The following SLC24A2 variants were observed in gnomAD, a reference collection of about 807,000 sequenced individuals.
SLC24A2 encodes the protein solute carrier family 24 member 2.
Under a neutral mutation model 62.0 loss-of-function variants are expected in SLC24A2, and 36 were observed. That is an observed-to-expected ratio of 0.58 (90% CI 0.44 to 0.77). The LOEUF is 0.77. Among genes scored for constraint, SLC24A2 ranks in the 30% least tolerant of loss-of-function variants. The pLI, the probability that SLC24A2 is intolerant of heterozygous loss-of-function variation, is 0.00. For synonymous variants in SLC24A2, 358 were observed against 294.0 expected (o/e 1.22, Z -2.23); for missense variants, 846 against 817.9 (o/e 1.03, Z -0.42).
chr9:19,945,358 G>T, the SLC24A2 span, among the ~76,000 whole-genome samples: 1 of 152,020 alleles, frequency 6.6e-6, no homozygotes, highest in Non-Finnish European at 1.5e-5. Flanking sequence ...GATTGAGCAG[G>T]GAAGGGCACA....
chr9:19,805,942 A>G, the SLC24A2 span, among the ~76,000 whole-genome samples: 3 of 152,022 alleles, frequency 2.0e-5, no homozygotes, highest in African/African-American at 7.2e-5. Context: ...GTCACTATAG[A>G]TTCATGCTTG....
At chr9:19,920,502 T>C in the SLC24A2 span, among the ~76,000 whole-genome samples, 2 of 151,852 alleles carry the variant, frequency 1.3e-5, no homozygotes, top group Non-Finnish European at 2.9e-5. Context: ...GCCATGGAAG[T>C]GAGGAAGTGA....
At chr9:20,051,538 G>A in the SLC24A2 span, among the ~76,000 whole-genome samples, 1 of 151,420 alleles carries the variant, frequency 6.6e-6, no homozygotes, top group Non-Finnish European at 1.5e-5. Context: ...TGCAATATGA[G>A]TATATTCTAG....
At chr9:20,167,295 T>A in the SLC24A2 span, among the ~76,000 whole-genome samples, 1 of 142,490 alleles carries the variant, frequency 7.0e-6, no homozygotes, top group African/African-American at 2.9e-5. Flanking sequence ...TATGTCTGTG[T>A]AGCAATTCTG....
chr9:19,817,631 T>C, the SLC24A2 span, among the ~76,000 whole-genome samples: 3 of 152,106 alleles, frequency 2.0e-5, no homozygotes, highest in South Asian at 6.2e-4. Context: ...TTCTACATTA[T>C]AGCTAAGATT....
intron 2 of SLC24A2, among the ~76,000 whole-genome samples, chr9:19,740,517 T>A (rs560615609): frequency 6.6e-6 from 1 of 152,232 alleles, no homozygotes; most frequent in South Asian, 2.1e-4. Flanking sequence ...AAGTTCACAA[T>A]AGGTGACAGT....
At chr9:19,809,647 C>G in the SLC24A2 span, among the ~76,000 whole-genome samples, 541 of 152,106 alleles carry the variant, frequency 3.6e-3, 2 homozygotes, top group Non-Finnish European at 6.1e-3. Flanking sequence ...CAGTAAGGAG[C>G]GGACAGGATG....
At chr9:20,246,989 C>T in the SLC24A2 span, among the ~76,000 whole-genome samples, 1 of 152,222 alleles carries the variant, frequency 6.6e-6, no homozygotes, top group African/African-American at 2.4e-5. Context: ...GACCATTATA[C>T]AGTGTATTGC....
the SLC24A2 span, among the ~76,000 whole-genome samples, chr9:20,151,223 A>G: frequency 1.3e-5 from 2 of 152,018 alleles, no homozygotes; most frequent in African/African-American, 4.8e-5. Context: ...ATGTTGGCAT[A>G]TATCAATTCA....
chr9:20,288,767 T>C, the SLC24A2 span, among the ~76,000 whole-genome samples: 3 of 143,538 alleles, frequency 2.1e-5, no homozygotes, highest in Non-Finnish European at 4.5e-5. Context: ...AAAAAAAGAA[T>C]GCAATGGAAG....
In SLC24A2 at chr9:19,714,585, T is replaced by C. The variant is rs534295006; in HGVS notation, c.930+71352A>G. On this transcript the variant is annotated intron_variant, in intron 2 of 10. Transcript: ENST00000341998. ...ATCACTTACCTTTTCCCTTCACTAT[T>C]TGTATGGAGGAGAAGCATTCCTTAT... Among the ~76,000 whole-genome samples the C allele has an allele frequency of 3.9e-4, 60 of 152,328 alleles. No individual in the cohort carries two copies. In the South Asian group the frequency reaches 0.01, roughly 26 times the overall value.
chr9:20,169,959 T>C, the SLC24A2 span, among the ~76,000 whole-genome samples: 1 of 151,846 alleles, frequency 6.6e-6, no homozygotes, highest in Non-Finnish European at 1.5e-5. Flanking sequence ...GGGATAAATA[T>C]TCAATGAAAT....
chr9:19,724,390 G>T (rs1821112342), intron 2 of SLC24A2, among the ~76,000 whole-genome samples: 1 of 152,168 alleles, frequency 6.6e-6, no homozygotes, highest in East Asian at 1.9e-4. Context: ...TTATCTTTGA[G>T]AAAGGTGATG....
chr9:20,149,111 C>T, the SLC24A2 span, among the ~76,000 whole-genome samples: 1 of 151,966 alleles, frequency 6.6e-6, no homozygotes, highest in Non-Finnish European at 1.5e-5. Flanking sequence ...AAACACTGAG[C>T]AGATTTGTAT....
At chr9:19,560,912 T>G (rs542282860) in intron 7 of SLC24A2, among the ~76,000 whole-genome samples, 23 of 50,106 alleles carry the variant, frequency 4.6e-4, no homozygotes, top group African/African-American at 6.0e-4. Flanking sequence ...TATATATATA[T>G]ATATAGAGAG....
chr9:20,107,436 T>G, the SLC24A2 span, among the ~76,000 whole-genome samples: 1 of 152,110 alleles, frequency 6.6e-6, no homozygotes, highest in Admixed American at 6.5e-5. Flanking sequence ...GCTACCTGAC[T>G]TCAAACTATA....
chr9:19,639,605 G>GT (rs1340949423), intron 2 of SLC24A2, among the ~76,000 whole-genome samples: 1 of 152,226 alleles, frequency 6.6e-6, no homozygotes, highest in East Asian at 1.9e-4. Flanking sequence ...ACGCCCAGGT[G>GT]TTTTTCTCAC....
chr9:19,923,124 G>A, the SLC24A2 span, among the ~76,000 whole-genome samples: 18 of 152,010 alleles, frequency 1.2e-4, no homozygotes, highest in Admixed American at 3.9e-4. Flanking sequence ...ACTGTGCCTA[G>A]TGGATAAATT....
At chr9:19,556,448 C>G (rs1175328332) in intron 7 of SLC24A2, among the ~76,000 whole-genome samples, 2 of 152,180 alleles carry the variant, frequency 1.3e-5, no homozygotes, top group Non-Finnish European at 2.9e-5. Flanking sequence ...AACACAATCT[C>G]TCCTATCAGA....
Sources: gnomAD v4.1 joint callset for allele counts (sites outside exome capture counted in the v4.1 genomes callset) on GRCh38, gnomAD v4.1.1 for gene constraint, MANE v1.5 for transcripts, NCBI Gene and HGNC (gene_info 2026-07-23, HGNC 2026-07-21) for gene names.